The following FMN2 variants were observed in gnomAD, a reference collection of about 807,000 sequenced individuals.
The protein encoded by FMN2 is formin 2.
A neutral mutation model predicts 142.3 loss-of-function variants in FMN2; 51 were observed. The ratio of observed to expected loss-of-function variants is 0.36; its 90% CI spans 0.29 to 0.45. FMN2 has a LOEUF of 0.45. Among genes scored for constraint, FMN2 ranks in the 20% least tolerant of loss-of-function variants. The probability of loss-of-function intolerance (pLI) is 1.00; values close to 1 mark genes in which losing one functional copy is unlikely to be tolerated. For missense variants in FMN2, 1,936 were observed against 2,122.8 expected (o/e 0.91, Z 1.73); for synonymous variants, 882 against 869.8 (o/e 1.01, Z -0.25).
intron 2 of FMN2, among the ~76,000 whole-genome samples, chr1:240,159,937 G>GTGTATA (rs1664202661): frequency 2.8e-5 from 2 of 71,308 alleles, no homozygotes; most frequent in Admixed American, 1.5e-4. Flanking sequence ...ATATATTTGT[G>GTGTATA]TATATATATA....
At chr1:240,253,125 G>T (rs1011093259) in intron 6 of FMN2, among the ~76,000 whole-genome samples, 2 of 150,798 alleles carry the variant, frequency 1.3e-5, no homozygotes, top group African/African-American at 2.4e-5. Flanking sequence ...GCTAATTTTT[G>T]TATTTTATTT....
chr1:240,173,048 G>A (rs931256526), intron 2 of FMN2, among the ~76,000 whole-genome samples: 8 of 151,920 alleles, frequency 5.3e-5, no homozygotes, highest in East Asian at 1.9e-4. Context: ...CAATTCTCCC[G>A]CCTCAGCTTT....
chr1:240,420,420 C>T (rs765205569), intron 15 of FMN2, among the ~76,000 whole-genome samples: 4 of 152,208 alleles, frequency 2.6e-5, no homozygotes, highest in Non-Finnish European at 4.4e-5. Flanking sequence ...TACATGGTAG[C>T]TAATTCTTGC....
intron 16 of FMN2, among the ~76,000 whole-genome samples, chr1:240,452,222 G>A (rs111748073): frequency 9.9e-5 from 15 of 152,196 alleles, no homozygotes; most frequent in African/African-American, 3.6e-4. Flanking sequence ...ATTTAGTTAT[G>A]TAGCCATTCA....
At chr1:240,334,036 A>G (rs1671475079) in intron 12 of FMN2, 73 bp from the exon 13 acceptor site, 2 of 1,575,848 alleles carry the variant, frequency 1.3e-6, no homozygotes, top group Non-Finnish European at 1.7e-6. Flanking sequence ...TTTGTTTTGG[A>G]CATACCTGCT....
chr1:240,464,256 A>G (rs1179904741), intron 16 of FMN2, among the ~76,000 whole-genome samples: 1 of 152,162 alleles, frequency 6.6e-6, no homozygotes, highest in Non-Finnish European at 1.5e-5. Context: ...ATCTATAGCC[A>G]TTCTAAAATT....
At chr1:240,423,013 G>A (rs1036725553) in intron 15 of FMN2, among the ~76,000 whole-genome samples, 2 of 152,154 alleles carry the variant, frequency 1.3e-5, no homozygotes, top group African/African-American at 2.4e-5. Flanking sequence ...CCCTGAAGGT[G>A]TAAGTACCAC....
In FMN2 at chr1:240,230,986, T is replaced by C. The variant is rs182089083; in HGVS notation, c.4065+19751T>C. Among the ~76,000 whole-genome samples the C allele has an allele frequency of 3.8e-4, 50 of 132,038 alleles. 6 individuals are homozygous for C. Among genetic ancestry groups the C allele is most frequent in the Non-Finnish European group, 3.2e-5 (2 of 62,932 alleles). 86.6% of individuals were successfully genotyped at this position (132,038 alleles called of 152,430 possible). A position where few individuals can be genotyped will look rare whatever the true frequency, so the allele number is the denominator to read the frequency against. On this transcript the variant is annotated intron_variant, in intron 6 of 17. Coordinates refer to ENST00000319653, the MANE Select transcript of FMN2 (RefSeq NM_020066.5). ...ATTGGCTTTGAGTTGGTCTCCATCC[T>C]TTGAACTGGCAAGGAAAGACACAGT... is the stretch of plus-strand genomic sequence containing the variant.
chr1:240,440,991 A>G (rs372195489), intron 16 of FMN2, among the ~76,000 whole-genome samples: 2 of 118,992 alleles, frequency 1.7e-5, no homozygotes, highest in African/African-American at 3.5e-5. Flanking sequence ...GCTTTGGTGT[A>G]AACTTTTTTT....
intron 14 of FMN2, among the ~76,000 whole-genome samples, chr1:240,380,329 A>G (rs1673182792): frequency 1.3e-5 from 2 of 152,282 alleles, no homozygotes; most frequent in South Asian, 4.1e-4. Flanking sequence ...ACCAAGAGGA[A>G]CTCTCAAAAA....
chr1:240,123,151 G>C (rs754018883), intron 1 of FMN2, 28 bp from the exon 2 acceptor site: 1 of 1,612,592 alleles, frequency 6.2e-7, no homozygotes, highest in South Asian at 1.1e-5. Context: ...GGCAGTGCTC[G>C]CTCTTAATGA....
At chr1:240,159,994 C>T (rs1248863619) in intron 2 of FMN2, among the ~76,000 whole-genome samples, 1 of 146,404 alleles carries the variant, frequency 6.8e-6, no homozygotes, top group South Asian at 2.1e-4. Flanking sequence ...CACACACACA[C>T]ACACATACAC....
chr1:240,231,929 C>T (rs1667538377), intron 6 of FMN2, among the ~76,000 whole-genome samples: 1 of 152,198 alleles, frequency 6.6e-6, no homozygotes, highest in South Asian at 2.1e-4. Context: ...CATTGATCCT[C>T]ATTGCTTGGT....
At chr1:240,296,438 CTTTTTTTTTTT>C (rs772711130) in intron 8 of FMN2, among the ~76,000 whole-genome samples, 2 of 46,910 alleles carry the variant, frequency 4.3e-5, no homozygotes, top group African/African-American at 2.0e-4. Flanking sequence ...TCTTTGAGTG[CTTTTTTTTTTT>C]TTTTTTTTTT....
Position 240,207,618 on chromosome 1 carries a change from CCTCTACCCGGAGCGGGAAT to C in FMN2, c.2807_2825del (p.Pro936HisfsTer333). On this transcript the variant is annotated frameshift_variant, in exon 5 of 18. Transcript: ENST00000319653. LOFTEE classifies it high-confidence loss of function. ...CGGAGCAGGCATACTCCCTCTGCCC[CCTCTACCCGGAGCGGGAAT>C]ACCTCCTCCGCCCCCTCTACCCGGA... 1 of 1,177,108 alleles carries C rather than the reference CCTCTACCCGGAGCGGGAAT, an allele frequency of 8.5e-7. No individual in the cohort carries two copies. Among genetic ancestry groups the C allele is most frequent in the Middle Eastern group, 3.2e-4 (1 of 3,148 alleles). 72.9% of individuals were successfully genotyped at this position (1,177,108 alleles called of 1,614,324 possible). A position where few individuals can be genotyped will look rare whatever the true frequency, so the allele number is the denominator to read the frequency against.
chr1:240,226,728 C>T (rs1667314955), intron 6 of FMN2, among the ~76,000 whole-genome samples: 1 of 151,870 alleles, frequency 6.6e-6, no homozygotes, highest in African/African-American at 2.4e-5. Context: ...GACCTTGTCT[C>T]TAAAAAAGAA....
intron 1 of FMN2, among the ~76,000 whole-genome samples, chr1:240,122,355 C>T (rs1354445654): frequency 6.6e-6 from 1 of 151,976 alleles, no homozygotes; most frequent in African/African-American, 2.4e-5. Flanking sequence ...CCTCCGCCAC[C>T]CAGCTTCAAG....
chr1:240,452,316 G>A lies in FMN2; in HGVS notation c.5060+14106G>A, dbSNP rs143910191. ...AATACCCAGAAGTGAAAGTTGACAG[G>A]CAAGAATCCCCACTCCTTTAATTAG... On this transcript the variant is annotated intron_variant, in intron 16 of 17. Coordinates refer to ENST00000319653, the MANE Select transcript of FMN2 (RefSeq NM_020066.5). Among the ~76,000 whole-genome samples, 404 of 152,210 alleles carry A rather than the reference G, an allele frequency of 2.7e-3. 1 individual carries two copies. The highest frequency in any genetic ancestry group is 4.2e-3 in the Non-Finnish European group (285 of 68,014).
chr1:240,164,007 G>A (rs1664382878), intron 2 of FMN2, among the ~76,000 whole-genome samples: 1 of 152,038 alleles, frequency 6.6e-6, no homozygotes, highest in Non-Finnish European at 1.5e-5. Flanking sequence ...CAAGTAGCTA[G>A]GACTACACTA....
Sources: gnomAD v4.1 joint callset for allele counts (sites outside exome capture counted in the v4.1 genomes callset) on GRCh38, gnomAD v4.1.1 for gene constraint, MANE v1.5 for transcripts, NCBI Gene and HGNC (gene_info 2026-07-23, HGNC 2026-07-21) for gene names.